MUSK: variants seen among roughly 807,000 people sequenced by gnomAD.
The protein encoded by MUSK is muscle associated receptor tyrosine kinase, also known as muscle, skeletal receptor tyrosine-protein kinase.
In MUSK, 55 loss-of-function variants were observed where a neutral mutation model predicts 88.7. The observed-to-expected ratio is 0.62, with a 90% CI of 0.50 to 0.78. The LOEUF is 0.78. Among genes scored for constraint, MUSK ranks in the 30% least tolerant of loss-of-function variants. The pLI is 0.00. For synonymous variants in MUSK, 387 were observed against 391.9 expected, an observed-to-expected ratio of 0.99 and a Z score of 0.15; for missense variants, 1,015 against 1,074.3, an observed-to-expected ratio of 0.94 and a Z score of 0.77.
Position 110,716,144 on chromosome 9 carries a change from A to G in MUSK, c.629-18107A>G, listed in dbSNP as rs998268614. ...CTGAACTTAAAATAGAAGTTGGGGG[A>G]AAAAAAAGAAAAAAGAAAATATTAG... On this transcript the variant is annotated intron_variant, in intron 5 of 14. Transcript: ENST00000374448. 2.3e-4 allele frequency among the ~76,000 whole-genome samples: 35 copies of G among 149,786 alleles called. 3 individuals are homozygous for G. The highest frequency in any genetic ancestry group is 8.6e-4 in the African/African-American group (34 of 39,576).
chr9:110,669,014 T>A, intron 1 of MUSK, 31 bp downstream of exon 1: 1 of 1,570,784 alleles, frequency 6.4e-7, no homozygotes, highest in Non-Finnish European at 8.8e-7. Flanking sequence ...CTTCTTGTTG[T>A]CTTGTCATGG....
chr9:110,773,251 A>G (rs1415535133), intron 9 of MUSK, among the ~76,000 whole-genome samples: 2 of 152,238 alleles, frequency 1.3e-5, no homozygotes, highest in East Asian at 1.9e-4. Flanking sequence ...AAGGAAGACC[A>G]GAAATAACAA....
Position 110,801,016 on chromosome 9 carries a change from C to T in MUSK, c.*28C>T, listed in dbSNP as rs377399983. ...TTGAAGACGTTCAAATAAAATGCTG[C>T]AGTTTCCTCTCAGACTCTGTGAGCC... On this transcript the variant is annotated 3_prime_UTR_variant, in exon 15 of 15. Transcript: ENST00000374448. 35 of 1,487,124 alleles carry T rather than the reference C, an allele frequency of 2.4e-5. No individual in the cohort carries two copies. In the African/African-American group the frequency reaches 4.5e-4, roughly 19 times the overall value. The allele number at this position is 1,487,124 out of a possible 1,614,324, so 92.1% of individuals were successfully genotyped here. A position where few individuals can be genotyped will look rare whatever the true frequency, so the allele number is the denominator to read the frequency against.
At chr9:110,692,681 T>C (rs566622806) in intron 3 of MUSK, among the ~76,000 whole-genome samples, 1 of 152,122 alleles carries the variant, frequency 6.6e-6, no homozygotes, top group Non-Finnish European at 1.5e-5. Context: ...ATTCTGAGTG[T>C]TTTGGTCTTA....
At chr9:110,745,788 T>G (rs1353010009) in intron 6 of MUSK, among the ~76,000 whole-genome samples, 1 of 152,218 alleles carries the variant, frequency 6.6e-6, no homozygotes, top group East Asian at 1.9e-4. Flanking sequence ...CTGGAAAGAT[T>G]CCCAGTGAAG....
chr9:110,771,755 G>C (rs1191374581), intron 9 of MUSK, among the ~76,000 whole-genome samples: 3 of 152,092 alleles, frequency 2.0e-5, no homozygotes, highest in Non-Finnish European at 4.4e-5. Flanking sequence ...CACTCAAGAT[G>C]ACAGACTCAT....
chr9:110,705,378 G>C (rs925986400), intron 5 of MUSK, among the ~76,000 whole-genome samples: 7 of 152,156 alleles, frequency 4.6e-5, no homozygotes, highest in African/African-American at 1.7e-4. Context: ...CTTTAGGGAA[G>C]GAATCAATCC....
chr9:110,783,523 GA>G (rs1198461235), intron 11 of MUSK, among the ~76,000 whole-genome samples: 4 of 151,840 alleles, frequency 2.6e-5, no homozygotes, highest in Middle Eastern at 3.6e-3. Context: ...AATTAACTTT[GA>G]ATCTGTTATA....
At chr9:110,689,592 T>G (rs1268587050) in intron 3 of MUSK, among the ~76,000 whole-genome samples, 10 of 98,382 alleles carry the variant, frequency 1.0e-4, no homozygotes, top group Non-Finnish European at 1.6e-4. Flanking sequence ...TACTACATAA[T>G]ATATAACATA....
chr9:110,773,879 T>G (rs904512320), intron 9 of MUSK, among the ~76,000 whole-genome samples: 19 of 152,222 alleles, frequency 1.2e-4, no homozygotes, highest in Admixed American at 6.5e-5. Context: ...GTAGAAAGAT[T>G]ATTTCTTTAA....
intron 14 of MUSK, among the ~76,000 whole-genome samples, 167 bp from the exon 15 acceptor site, chr9:110,800,138 CT>C (rs2078068735): frequency 6.6e-6 from 1 of 152,156 alleles, no homozygotes. Context: ...GCTGAGACTC[CT>C]TTTGTGTTGT....
chr9:110,694,385 C>CAAAA (rs796590211), intron 3 of MUSK, among the ~76,000 whole-genome samples: 9 of 51,568 alleles, frequency 1.7e-4, no homozygotes, highest in Admixed American at 4.6e-4. Flanking sequence ...GACTCCGTCT[C>CAAAA]AAAAAAAAAA....
intron 6 of MUSK, among the ~76,000 whole-genome samples, chr9:110,743,359 A>T (rs1252321691): frequency 6.6e-6 from 1 of 152,246 alleles, no homozygotes; most frequent in African/African-American, 2.4e-5. Flanking sequence ...CAGAGTGAAT[A>T]GTAACATTCC....
At chr9:110,711,502 A>G (rs901286850) in intron 5 of MUSK, among the ~76,000 whole-genome samples, 10 of 152,172 alleles carry the variant, frequency 6.6e-5, no homozygotes, top group African/African-American at 2.4e-4. Context: ...GATGTTTTGA[A>G]AATTTGAAGG....
chr9:110,735,316 A>C (rs953679486), intron 6 of MUSK, among the ~76,000 whole-genome samples: 1 of 152,182 alleles, frequency 6.6e-6, no homozygotes, highest in Non-Finnish European at 1.5e-5. Flanking sequence ...CTAAGTATCC[A>C]TCAATGGATG....
At chr9:110,738,937 T>C (rs1032421560) in intron 6 of MUSK, among the ~76,000 whole-genome samples, 7 of 152,290 alleles carry the variant, frequency 4.6e-5, no homozygotes, top group Admixed American at 4.6e-4. Context: ...AGTCTCTTTG[T>C]GTTGGGGTCT....
At chr9:110,709,683 T>G (rs991477630) in intron 5 of MUSK, among the ~76,000 whole-genome samples, 1 of 152,212 alleles carries the variant, frequency 6.6e-6, no homozygotes, top group Non-Finnish European at 1.5e-5. Context: ...TTTCCATGTG[T>G]CATCTTTATC....
At chr9:110,725,930 C>G (rs772181995) in intron 5 of MUSK, among the ~76,000 whole-genome samples, 4 of 151,948 alleles carry the variant, frequency 2.6e-5, no homozygotes, top group African/African-American at 9.6e-5. Flanking sequence ...GTAGGCTAGG[C>G]GAGCAGGATA....
chr9:110,786,635 A>C (rs1323458020), intron 13 of MUSK, among the ~76,000 whole-genome samples: 1 of 152,138 alleles, frequency 6.6e-6, no homozygotes, highest in East Asian at 1.9e-4. Context: ...TATAATGTAT[A>C]GATATTAAGT....
Sources: allele counts gnomAD v4.1 joint callset (sites outside exome capture counted in the v4.1 genomes callset), GRCh38; gene constraint gnomAD v4.1.1; transcripts MANE v1.5; gene names NCBI Gene and HGNC (gene_info 2026-07-23, HGNC 2026-07-21).